Variants in ARHGAP32 observed in about 807,000 individuals in gnomAD.
The protein encoded by ARHGAP32 is rho GTPase-activating protein 32.
In ARHGAP32, 51 loss-of-function variants were observed where a neutral mutation model predicts 186.5. That is an observed-to-expected ratio of 0.27 (90% CI 0.22 to 0.35). The LOEUF (loss-of-function observed/expected upper bound fraction) is 0.35, where lower values mean the gene tolerates loss of function less well. Among genes scored for constraint, ARHGAP32 ranks in the 10% least tolerant of loss-of-function variants. The probability of loss-of-function intolerance (pLI) is 1.00; values close to 1 mark genes in which losing one functional copy is unlikely to be tolerated. For synonymous variants in ARHGAP32, 950 were observed against 964.3 expected (o/e 0.99, Z 0.27); for missense variants, 2,186 against 2,623.5 (o/e 0.83, Z 3.64).
chr11:129,065,258 T>C (rs1462805444), intron 7 of ARHGAP32, among the ~76,000 whole-genome samples: 1 of 152,146 alleles, frequency 6.6e-6, no homozygotes, highest in Non-Finnish European at 1.5e-5. Context: ...TCTGCCTAAA[T>C]TTCCCCCTAC....
intron 1 of ARHGAP32, among the ~76,000 whole-genome samples, chr11:129,274,906 T>TAA (rs74951555): frequency 7.4e-6 from 1 of 135,308 alleles, no homozygotes; most frequent in South Asian, 2.4e-4. Context: ...TTCATCTTTC[T>TAA]AAAAAAAAAA....
At chr11:129,132,028 C>A (rs2135405594) in intron 2 of ARHGAP32, among the ~76,000 whole-genome samples, 1 of 152,294 alleles carries the variant, frequency 6.6e-6, no homozygotes, top group African/African-American at 2.4e-5. Flanking sequence ...CTGCACCTGT[C>A]AACCCATCAC....
chr11:129,228,714 G>A (rs1220875445), intron 1 of ARHGAP32, among the ~76,000 whole-genome samples: 2 of 152,122 alleles, frequency 1.3e-5, no homozygotes, highest in Non-Finnish European at 2.9e-5. Flanking sequence ...TTGGGGAAGT[G>A]GGGGAAGGGA....
intron 12 of ARHGAP32, among the ~76,000 whole-genome samples, chr11:128,989,195 T>A (rs1945965712): frequency 6.6e-6 from 1 of 152,138 alleles, no homozygotes; most frequent in Non-Finnish European, 1.5e-5. Context: ...GCAATCCATC[T>A]TTAAATTCTG....
intron 11 of ARHGAP32, among the ~76,000 whole-genome samples, chr11:128,999,523 C>T (rs542195539): frequency 1.3e-5 from 2 of 152,196 alleles, no homozygotes; most frequent in African/African-American, 2.4e-5. Context: ...TGACCCACAC[C>T]CTATTCGTAA....
At chr11:129,011,348 A>C (rs1478748788) in intron 11 of ARHGAP32, among the ~76,000 whole-genome samples, 1 of 152,246 alleles carries the variant, frequency 6.6e-6, no homozygotes, top group Admixed American at 6.5e-5. Flanking sequence ...CCAAACTCTT[A>C]TCCACTAAAT....
rs1289082318 is a variant in ARHGAP32, at chr11:128,969,301, G to A, written c.5912C>T (p.Ser1971Phe). 10 of 1,614,114 alleles carry A rather than the reference G, an allele frequency of 6.2e-6. No individual in the cohort carries two copies. Among genetic ancestry groups the A allele is most frequent in the Non-Finnish European group, 8.5e-6 (10 of 1,180,052 alleles). The change falls in exon 23 of 23, where the codon TCT becomes TTT. Residue 1971 changes from serine (S) to phenylalanine (F), a missense_variant. By Grantham distance (155) the Ser-to-Phe change is radical. Around this residue, in one of 5 missense-constraint regions of ARHGAP32, gnomAD observed 1,502 missense variants for 1,570.0 expected, o/e 0.96. Transcript: ENST00000682385. This position sits in a 1 kb window ranked among gnomAD's most constrained non-coding sequence, Gnocchi z 4.8. ...EMERPWVRQP[S>F]APEKHSRDCY... is the part of the protein sequence containing the mutation. ...GTCTCTGGAGTGTTTCTCTGGGGCAGAAGGCTGCCTAACCCAGGGTCGCTC... is the reference window on the plus strand; with the variant it reads ...GTCTCTGGAGTGTTTCTCTGGGGCAAAAGGCTGCCTAACCCAGGGTCGCTC...
intron 1 of ARHGAP32, among the ~76,000 whole-genome samples, chr11:129,270,547 T>G (rs1207125901): frequency 2.6e-5 from 4 of 151,662 alleles, no homozygotes; most frequent in Non-Finnish European, 5.9e-5. Context: ...TGAATCCTAA[T>G]GTAACCTATG....
At chr11:129,064,443 A>C (rs1042622216) in intron 8 of ARHGAP32, among the ~76,000 whole-genome samples, 1 of 152,136 alleles carries the variant, frequency 6.6e-6, no homozygotes. Flanking sequence ...ATAAATATGT[A>C]ATCTATTTAC....
At chr11:129,181,703 G>C (rs138212972) in intron 1 of ARHGAP32, among the ~76,000 whole-genome samples, 1 of 152,078 alleles carries the variant, frequency 6.6e-6, no homozygotes, top group Non-Finnish European at 1.5e-5. Flanking sequence ...TGGAACAGAG[G>C]TTTGCTGAAG....
chr11:129,197,460 C>T (rs1944407531), intron 1 of ARHGAP32, among the ~76,000 whole-genome samples: 2 of 152,282 alleles, frequency 1.3e-5, no homozygotes, highest in South Asian at 4.1e-4. Context: ...GTGCATGGCA[C>T]ATAGCCAAGG....
At chr11:129,083,586 G>A (rs1239179630) in intron 6 of ARHGAP32, among the ~76,000 whole-genome samples, 1 of 152,148 alleles carries the variant, frequency 6.6e-6, no homozygotes, top group African/African-American at 2.4e-5. Context: ...ATGGGAAGAA[G>A]GGATAAAAGA....
intron 11 of ARHGAP32, among the ~76,000 whole-genome samples, chr11:129,009,631 T>C (rs1937969659): frequency 6.6e-6 from 1 of 152,198 alleles, no homozygotes; most frequent in Admixed American, 6.5e-5. Context: ...GATAATGGCT[T>C]CTAGCCCCAA....
At chr11:128,984,507 T>A (rs908149252) in intron 15 of ARHGAP32, among the ~76,000 whole-genome samples, 1 of 152,138 alleles carries the variant, frequency 6.6e-6, no homozygotes, top group Non-Finnish European at 1.5e-5. Flanking sequence ...TTCAAGAACA[T>A]CTAAGGAATT....
intron 1 of ARHGAP32, among the ~76,000 whole-genome samples, chr11:129,267,056 A>C (rs143274364): frequency 1.2e-3 from 182 of 152,344 alleles, no homozygotes; most frequent in Non-Finnish European, 1.3e-3. Flanking sequence ...GAAGAGAAGA[A>C]GACCTCAGGT....
At chr11:129,229,639 G>C (rs1944832396) in intron 1 of ARHGAP32, among the ~76,000 whole-genome samples, 1 of 152,130 alleles carries the variant, frequency 6.6e-6, no homozygotes, top group African/African-American at 2.4e-5. Context: ...TAGCGTAGTG[G>C]AGAGGCTATC....
intron 11 of ARHGAP32, among the ~76,000 whole-genome samples, chr11:129,007,394 C>A (rs1274405399): frequency 6.6e-6 from 1 of 151,982 alleles, no homozygotes; most frequent in Non-Finnish European, 1.5e-5. Context: ...GGTATCACTG[C>A]TGGTTATTCA....
chr11:129,187,959 G>T (rs973972498), intron 1 of ARHGAP32, among the ~76,000 whole-genome samples: 1 of 151,870 alleles, frequency 6.6e-6, no homozygotes, highest in South Asian at 2.1e-4. Context: ...TGTTTGTTGA[G>T]GTTTGTTTGT....
At chr11:129,098,668 C>T (rs1865132359) in intron 5 of ARHGAP32, among the ~76,000 whole-genome samples, 1 of 152,144 alleles carries the variant, frequency 6.6e-6, no homozygotes, top group East Asian at 1.9e-4. Context: ...ATCCACCCGC[C>T]TCGGCCTCCC....
Sources: allele counts gnomAD v4.1 joint callset (sites outside exome capture counted in the v4.1 genomes callset), GRCh38; gene constraint gnomAD v4.1.1; regional missense constraint gnomAD v4.1.1; non-coding constraint Gnocchi (gnomAD v3.1); transcripts MANE v1.5; gene names NCBI Gene and HGNC (gene_info 2026-07-23, HGNC 2026-07-21).